Variants in CDYL2 observed in about 807,000 individuals in gnomAD.
The protein encoded by CDYL2 is chromodomain Y like 2.
A neutral mutation model predicts 49.4 loss-of-function variants in CDYL2; 23 were observed. The ratio of observed to expected loss-of-function variants is 0.47; its 90% confidence interval spans 0.34 to 0.66. The LOEUF (loss-of-function observed/expected upper bound fraction) is 0.66. CDYL2 is among the 30% of genes least tolerant of loss of function. CDYL2 has a pLI of 0.01. For missense variants in CDYL2, 678 were observed against 656.4 expected (o/e 1.03, Z -0.36); for synonymous variants, 360 against 268.8 (o/e 1.34, Z -3.32).
At chr16:80,697,721 G>T (rs1904281746) in intron 1 of CDYL2, among the ~76,000 whole-genome samples, 1 of 151,984 alleles carries the variant, frequency 6.6e-6, no homozygotes, top group Non-Finnish European at 1.5e-5. Context: ...CAGTAAAGTT[G>T]CAGGATACAA....
At chr16:80,685,240 C>T (rs1910143729) in intron 1 of CDYL2, 111 bp from the exon 2 acceptor site, 1 of 814,370 alleles carries the variant, frequency 1.2e-6, no homozygotes, top group Non-Finnish European at 1.9e-6. Context: ...CTACCCTAGC[C>T]AGGGGGTGAG....
At chr16:80,798,420 C>T (rs903757950) in intron 1 of CDYL2, among the ~76,000 whole-genome samples, 6 of 152,274 alleles carry the variant, frequency 3.9e-5, no homozygotes, top group African/African-American at 1.4e-4. Context: ...TCCCCTTCCT[C>T]CTCCTCCTCC....
rs1193610880 is a variant in CDYL2, at chr16:80,765,443, T to C, written c.24+38707A>G. ...TCTGAAATTCCTAACATAAAAAGCA[T>C]ACAAATATATAAGAAAAGCAATTAT... is the stretch of plus-strand genomic sequence containing the variant. On this transcript the variant is annotated intron_variant, in intron 1 of 6. Transcript: ENST00000570137. Among the ~76,000 whole-genome samples, 4 of 151,446 alleles carry C rather than the reference T, an allele frequency of 2.6e-5. No homozygotes were observed. The East Asian group carries it at 5.8e-4, about 22-fold the overall frequency.
intron 2 of CDYL2, among the ~76,000 whole-genome samples, chr16:80,666,868 T>C (rs1909285872): frequency 6.6e-6 from 1 of 152,326 alleles, no homozygotes; most frequent in Admixed American, 6.5e-5. Flanking sequence ...CATTCATTTC[T>C]TAAGCACCTG....
chr16:80,749,872 G>T (rs529165887), intron 1 of CDYL2, among the ~76,000 whole-genome samples: 1 of 152,248 alleles, frequency 6.6e-6, no homozygotes, highest in East Asian at 1.9e-4. Flanking sequence ...TTAAGAAAAT[G>T]TGGCACATAG....
intron 1 of CDYL2, among the ~76,000 whole-genome samples, chr16:80,712,205 A>ATATATATATATG (rs1904640066): frequency 1.6e-5 from 2 of 125,408 alleles, no homozygotes; most frequent in African/African-American, 5.1e-5. Flanking sequence ...ATATATATAT[A>ATATATATATATG]TATATATATA....
intron 3 of CDYL2, among the ~76,000 whole-genome samples, chr16:80,626,466 G>C (rs143830511): frequency 1.3e-3 from 203 of 152,262 alleles, no homozygotes; most frequent in African/African-American, 4.6e-3. Context: ...GCATGTCAAG[G>C]TTATATTCGG....
chr16:80,637,403 C>T (rs1166318607), intron 2 of CDYL2, among the ~76,000 whole-genome samples: 1 of 151,784 alleles, frequency 6.6e-6, no homozygotes, highest in Non-Finnish European at 1.5e-5. Flanking sequence ...CTAGCGATTG[C>T]AAAAACATTT....
rs377227145 is a variant in CDYL2, at chr16:80,773,551, T to C, written c.24+30599A>G. Among the ~76,000 whole-genome samples the C allele has an allele frequency of 4.5e-4, 68 of 152,232 alleles. No individual in the cohort carries two copies. The Middle Eastern group carries it at 0.01, about 23-fold the overall frequency. ...TGCATGAAACATTTACAAAAAGTAG[T>C]CCCACACTAGGTGATAAGGCAATTC... is the stretch of plus-strand genomic sequence containing the variant. On this transcript the variant is annotated intron_variant, in intron 1 of 6. Coordinates refer to ENST00000570137, the MANE Select transcript of CDYL2 (RefSeq NM_152342.4).
Position 80,714,916 on chromosome 16 carries a change from G to A in CDYL2, c.25-29787C>T, listed in dbSNP as rs1182670442. Among the ~76,000 whole-genome samples the A allele has an allele frequency of 2.6e-5, 4 of 152,242 alleles. No individual in the cohort carries two copies. In the East Asian group the frequency reaches 5.8e-4, roughly 22 times the overall value. The stretch of plus-strand genomic sequence containing the variant: ...GATTTCTCGAGCAGGATTAAAAGGT[G>A]TTTCCATCTGTCCCCCCAAGTAGGA... On this transcript the variant is annotated intron_variant, in intron 1 of 6. Transcript: ENST00000570137.
intron 1 of CDYL2, among the ~76,000 whole-genome samples, chr16:80,797,843 C>T (rs1907812356): frequency 1.3e-5 from 2 of 152,184 alleles, no homozygotes; most frequent in South Asian, 4.1e-4. Context: ...TGAAACAGCA[C>T]ATTAACTGGC....
intron 1 of CDYL2, among the ~76,000 whole-genome samples, chr16:80,782,756 T>A (rs1185891472): frequency 6.6e-6 from 1 of 151,774 alleles, no homozygotes; most frequent in Non-Finnish European, 1.5e-5. Context: ...CACACAGTCA[T>A]CCCAATTGAC....
chr16:80,620,890 C>G lies in CDYL2; in HGVS notation c.880G>C (p.Asp294His), dbSNP rs370746070. The change falls in exon 4 of 7, where the codon GAC (aspartate) becomes CAC (histidine). Residue 294 changes from aspartate (D) to histidine (H), a missense_variant. Asp to His is a moderately conservative substitution (Grantham distance 81). Coordinates refer to ENST00000570137, the MANE Select transcript of CDYL2 (RefSeq NM_152342.4). ...RRALCNAATD[D>H]SKLLLLSAVG... ...GCGCTGAGGAGCAGCAGTTTGCTGT[C>G]GTCTGTGGCTGCGTTGCAGAGCGCT... is the stretch of plus-strand genomic sequence containing the variant. The G allele has an allele frequency of 2.5e-6, 4 of 1,610,762 alleles. No homozygotes were observed. The East Asian group carries it at 8.9e-5, about 36-fold the overall frequency.
At chr16:80,750,776 T>C (rs1390491746) in intron 1 of CDYL2, among the ~76,000 whole-genome samples, 1 of 152,152 alleles carries the variant, frequency 6.6e-6, no homozygotes, top group East Asian at 1.9e-4. Context: ...TCCCAGCACT[T>C]TGGGAGGCCG....
At chr16:80,608,753 T>G (rs1906457430) in intron 5 of CDYL2, among the ~76,000 whole-genome samples, 1 of 151,938 alleles carries the variant, frequency 6.6e-6, no homozygotes, top group Non-Finnish European at 1.5e-5. Flanking sequence ...TGTCCCGGCC[T>G]GTGGAGAGGT....
intron 2 of CDYL2, among the ~76,000 whole-genome samples, chr16:80,664,875 C>A (rs190815914): frequency 6.6e-6 from 1 of 152,188 alleles, no homozygotes; most frequent in African/African-American, 2.4e-5. Flanking sequence ...AACTGAGGAA[C>A]TGCCAGTGCT....
intron 1 of CDYL2, among the ~76,000 whole-genome samples, chr16:80,694,200 G>C (rs913447613): frequency 6.6e-6 from 1 of 152,190 alleles, no homozygotes; most frequent in African/African-American, 2.4e-5. Flanking sequence ...GTTCACAAGA[G>C]GGTTCGTACT....
chr16:80,612,063 T>C lies in CDYL2; in HGVS notation c.1218+563A>G, dbSNP rs1401913957. Among the ~76,000 whole-genome samples the C allele has an allele frequency of 2.0e-5, 3 of 152,198 alleles. No individual in the cohort carries two copies. Among genetic ancestry groups the C allele is most frequent in the Non-Finnish European group, 2.9e-5 (2 of 68,034 alleles). ...CTTGCTGGACATGCGCTGGGCTGCG[T>C]CTCCCGGCCTCCCTTGCAGGCGCAT... is the stretch of plus-strand genomic sequence containing the variant. On this transcript the variant is annotated intron_variant, in intron 5 of 6. Transcript: ENST00000570137. The surrounding 1 kb of genome is among the most constrained non-coding windows in gnomAD (Gnocchi z 5.0).
intron 5 of CDYL2, among the ~76,000 whole-genome samples, chr16:80,611,048 C>G (rs542998926): frequency 6.6e-6 from 1 of 152,148 alleles, no homozygotes; most frequent in Non-Finnish European, 1.5e-5. Context: ...CAACCCAGGG[C>G]CTGCCAGGCC....
Sources: gnomAD v4.1 joint callset for allele counts (sites outside exome capture counted in the v4.1 genomes callset) on GRCh38, gnomAD v4.1.1 for gene constraint, Gnocchi (gnomAD v3.1) non-coding constraint, MANE v1.5 for transcripts, NCBI Gene and HGNC (gene_info 2026-07-23, HGNC 2026-07-21) for gene names.